Variants in KLHL20 observed in about 807,000 individuals in gnomAD.
The protein encoded by KLHL20 is kelch like family member 20, also known as kelch-like protein 20.
Under a neutral mutation model 69.5 loss-of-function variants are expected in KLHL20, and 29 were observed. The ratio of observed to expected loss-of-function variants is 0.42; its 90% CI spans 0.31 to 0.57. The LOEUF is 0.57. KLHL20 is among the 20% of genes least tolerant of loss of function. KLHL20 has a pLI of 0.18. For missense variants in KLHL20, 419 were observed against 776.0 expected, an observed-to-expected ratio of 0.54 and a Z score of 5.47; for synonymous variants, 253 against 265.2, an observed-to-expected ratio of 0.95 and a Z score of 0.45.
chr1:173,777,267 T>C (rs183173182), intron 10 of KLHL20, among the ~76,000 whole-genome samples: 2 of 152,374 alleles, frequency 1.3e-5, no homozygotes, highest in East Asian at 3.9e-4. Context: ...TTGTGTATCC[T>C]GCAGCTCTGC....
Position 173,751,837 on chromosome 1 carries a change from A to G in KLHL20, c.671A>G (p.Asn224Ser). The G allele has an allele frequency of 6.2e-7, 1 of 1,614,154 alleles. No homozygotes were observed. The highest frequency in any genetic ancestry group is 8.5e-7 in the Non-Finnish European group (1 of 1,180,002). The change falls in exon 4 of 12, where the codon AAC (asparagine) becomes AGC (serine). Residue 224 changes from asparagine to serine, a missense_variant. Asn to Ser is a conservative substitution (Grantham distance 46). This residue lies in a region of KLHL20 where 99 missense variants were observed against 240.7 expected (regional missense o/e 0.41). Coordinates refer to ENST00000209884, the MANE Select transcript of KLHL20 (RefSeq NM_014458.4). ...LIDIISSDELNVRSEEQVFNA... is the reference protein window; with the variant it reads ...LIDIISSDELSVRSEEQVFNA... The stretch of plus-strand genomic sequence containing the variant: ...GATATAATATCCAGTGATGAGCTAA[A>G]CGTTCGCAGTGAAGAACAAGTGTTC...
intron 2 of KLHL20, among the ~76,000 whole-genome samples, chr1:173,718,119 G>A (rs1233732702): frequency 2.6e-5 from 4 of 151,926 alleles, no homozygotes; most frequent in Non-Finnish European, 1.5e-5. Context: ...GTAGATACAG[G>A]GTTTTGCCAT....
rs750715526 is a variant in KLHL20, at chr1:173,751,761, C to T, written c.598-3C>T. ...TTTTTTCTTCTTACCTAACTTTGAACAGGTAATGGAGAGTGAAGAGTTCAT... is the reference window on the plus strand; with the variant it reads ...TTTTTTCTTCTTACCTAACTTTGAATAGGTAATGGAGAGTGAAGAGTTCAT... On this transcript the variant is annotated splice_region_variant and splice_polypyrimidine_tract_variant and intron_variant, in intron 3 of 11. Transcript: ENST00000209884. The T allele has an allele frequency of 2.2e-5, 36 of 1,611,474 alleles. No individual in the cohort carries two copies. Among genetic ancestry groups the T allele is most frequent in the Non-Finnish European group, 2.8e-5 (33 of 1,178,702 alleles).
intron 2 of KLHL20, among the ~76,000 whole-genome samples, chr1:173,718,879 C>T (rs1275303876): frequency 1.3e-5 from 2 of 151,936 alleles, no homozygotes; most frequent in South Asian, 2.1e-4. Context: ...CCGAGGCAGG[C>T]GGATCACAAG....
chr1:173,734,386 T>A (rs1317143048), intron 3 of KLHL20, 100 bp downstream of exon 3: 1 of 958,664 alleles, frequency 1.0e-6, no homozygotes, highest in Non-Finnish European at 1.7e-6. Flanking sequence ...CTGCTGATTC[T>A]AACTCATAAT....
intron 7 of KLHL20, 45 bp from the exon 8 acceptor site, chr1:173,766,101 T>C (rs762859783): frequency 2.1e-6 from 3 of 1,454,938 alleles, no homozygotes; most frequent in South Asian, 3.0e-5. Flanking sequence ...ATAGCCAAGC[T>C]TCCTTTGTGT....
At chr1:173,755,788 T>TA in intron 5 of KLHL20, 135 bp from the exon 6 acceptor site, 1 of 592,864 alleles carries the variant, frequency 1.7e-6, no homozygotes, top group Non-Finnish European at 3.0e-6. Context: ...CCAATTTTAA[T>TA]ATTGGCTGGC....
chr1:173,768,921 A>C (rs1388121269), intron 8 of KLHL20, among the ~76,000 whole-genome samples: 1 of 152,228 alleles, frequency 6.6e-6, no homozygotes, highest in Non-Finnish European at 1.5e-5. Flanking sequence ...AAGCAATTGG[A>C]TGTCTGACAG....
Position 173,743,321 on chromosome 1 carries a change from T to A in KLHL20, c.598-8443T>A, listed in dbSNP as rs116543926. 3.8e-3 allele frequency among the ~76,000 whole-genome samples: 573 copies of A among 152,204 alleles called. 4 individuals are homozygous for A. Among genetic ancestry groups the A allele is most frequent in the African/African-American group, 0.013 (553 of 41,580 alleles). On this transcript the variant is annotated intron_variant, in intron 3 of 11. Coordinates refer to ENST00000209884, the MANE Select transcript of KLHL20 (RefSeq NM_014458.4). ...AGACAAAACTTTTATGTACGCTTTGTCCAGATTCACCAGTTGTTAACATTT... is the reference window on the plus strand; with the variant it reads ...AGACAAAACTTTTATGTACGCTTTGACCAGATTCACCAGTTGTTAACATTT...
rs1289853159 is a variant in KLHL20, at chr1:173,751,923, G to C, written c.756+1G>C. On this transcript the variant is annotated splice_donor_variant, in intron 4 of 11. Transcript: ENST00000209884. LOFTEE classifies it high-confidence loss of function. ...GGAAAGACGTCCTCAATTACCCCAG[G>C]TAATGATAGAAATTCTTCTCTAAGA... 1 of 1,612,622 alleles carries C rather than the reference G, an allele frequency of 6.2e-7. No individual in the cohort carries two copies. The highest frequency in any genetic ancestry group is 8.5e-7 in the Non-Finnish European group (1 of 1,179,286).
At chr1:173,771,424 A>G (rs771497832) in intron 8 of KLHL20, among the ~76,000 whole-genome samples, 3 of 152,078 alleles carry the variant, frequency 2.0e-5, no homozygotes, top group Non-Finnish European at 4.4e-5. Flanking sequence ...ATACATAGAT[A>G]CATACAGTTA....
intron 3 of KLHL20, among the ~76,000 whole-genome samples, chr1:173,748,476 A>T (rs1673166713): frequency 6.6e-6 from 1 of 152,190 alleles, no homozygotes; most frequent in South Asian, 2.1e-4. Flanking sequence ...TGATAGAATC[A>T]TTATCTTATA....
intron 9 of KLHL20, among the ~76,000 whole-genome samples, 186 bp downstream of exon 9, chr1:173,774,624 C>T (rs997128957): frequency 4.6e-5 from 7 of 152,192 alleles, no homozygotes; most frequent in African/African-American, 9.7e-5. Context: ...ATTCTAAGTA[C>T]GTTCCCCAAA....
chr1:173,747,695 T>C (rs1290426893), intron 3 of KLHL20, among the ~76,000 whole-genome samples: 1 of 152,036 alleles, frequency 6.6e-6, no homozygotes, highest in Non-Finnish European at 1.5e-5. Context: ...TTATAAATAG[T>C]ACCTGATTCA....
At chr1:173,733,294 CATG>C (rs1672372264) in intron 2 of KLHL20, among the ~76,000 whole-genome samples, 1 of 152,098 alleles carries the variant, frequency 6.6e-6, no homozygotes, top group African/African-American at 2.4e-5. Flanking sequence ...GGATTACAGA[CATG>C]AGCCACCACA....
At chr1:173,762,615 G>A (rs1397895905) in intron 7 of KLHL20, among the ~76,000 whole-genome samples, 2 of 152,236 alleles carry the variant, frequency 1.3e-5, no homozygotes, top group East Asian at 1.9e-4. Flanking sequence ...CACATAAACA[G>A]AATTAAAAAC....
chr1:173,763,806 C>T (rs1048216549), intron 7 of KLHL20, among the ~76,000 whole-genome samples: 2 of 151,454 alleles, frequency 1.3e-5, no homozygotes, highest in African/African-American at 4.9e-5. Context: ...ATTGGAAAAA[C>T]CCCTCTTGAC....
At chr1:173,737,597 A>G (rs901289868) in intron 3 of KLHL20, among the ~76,000 whole-genome samples, 1 of 152,194 alleles carries the variant, frequency 6.6e-6, no homozygotes, top group African/African-American at 2.4e-5. Context: ...TTTTTATGCC[A>G]GTATCATGCT....
intron 8 of KLHL20, among the ~76,000 whole-genome samples, chr1:173,772,418 T>C (rs1442962586): frequency 6.6e-6 from 1 of 152,210 alleles, no homozygotes; most frequent in African/African-American, 2.4e-5. Context: ...TACACTTAAA[T>C]ATATGAGTTC....
Sources: allele counts gnomAD v4.1 joint callset (sites outside exome capture counted in the v4.1 genomes callset), GRCh38; gene constraint gnomAD v4.1.1; regional missense constraint gnomAD v4.1.1; transcripts MANE v1.5; gene names NCBI Gene and HGNC (gene_info 2026-07-23, HGNC 2026-07-21).